MED12L: variants seen among roughly 807,000 people sequenced by gnomAD.
MED12L encodes the protein mediator of RNA polymerase II transcription subunit 12-like protein.
In MED12L, 60 loss-of-function variants were observed where a neutral mutation model predicts 281.3. The ratio of observed to expected loss-of-function variants is 0.21; its 90% CI spans 0.17 to 0.26. MED12L has a LOEUF of 0.26. Ranked by LOEUF, MED12L falls within the 10% of genes least tolerant of loss-of-function variation. MED12L has a pLI of 1.00. For synonymous variants in MED12L, 974 were observed against 987.2 expected (o/e 0.99, Z 0.25); for missense variants, 2,146 against 2,680.9 (o/e 0.80, Z 4.41).
rs1723766087 is a variant in MED12L, at chr3:151,190,051, G to A, written c.1754-666G>A. On this transcript the variant is annotated intron_variant, in intron 13 of 44. Transcript: ENST00000687756. ...CACAGACCCACTCAAGCTAGAAAAA[G>A]CAGTCATGAACTGTTTTATTAGTAA... Among the ~76,000 whole-genome samples, 4 of 152,212 alleles carry A rather than the reference G, an allele frequency of 2.6e-5. No homozygotes were observed. In the South Asian group the frequency reaches 8.3e-4, roughly 32 times the overall value.
chr3:151,328,459 C>T, intron 16 of MED12L: 1 of 1,613,834 alleles, frequency 6.2e-7, no homozygotes, highest in Non-Finnish European at 8.5e-7. Context: ...GCCCCAGAGG[C>T]CCCTTTAAGG....
rs762751794 is a variant in MED12L at position 151,388,079 on chromosome 3, C to T, written c.5358C>T (p.Ser1786=). The T allele has an allele frequency of 9.3e-6, 15 of 1,613,850 alleles. No individual in the cohort carries two copies. The highest frequency in any genetic ancestry group is 1.2e-5 in the Non-Finnish European group (14 of 1,179,958). The stretch of plus-strand genomic sequence containing the variant: ...TTTCTCAGGAACCAGAAAGGAAGTC[C>T]GCTGAGCTGTCAGATCAGGGAAAAA... The part of the protein sequence containing the change: ...SPVSQEPERK[S]AELSDQGKTT... Residue 1786 remains serine (S), a synonymous_variant, in exon 37 of 45, where the codon TCC becomes TCT. Coordinates refer to ENST00000687756, the MANE Select transcript of MED12L (RefSeq NM_001393769.1).
chr3:151,193,116 T>G (rs1213706066), intron 15 of MED12L, among the ~76,000 whole-genome samples: 1 of 152,218 alleles, frequency 6.6e-6, no homozygotes, highest in Admixed American at 6.5e-5. Flanking sequence ...GACCAAAACC[T>G]TTATGTCTAT....
rs1413361534 is a variant in MED12L at position 151,372,763 on chromosome 3, A to G, written c.3861A>G (p.Gln1287=). 6.2e-7 allele frequency: 1 copy of G among 1,611,530 alleles called. No homozygotes were observed. Among genetic ancestry groups the G allele is most frequent in the African/African-American group, 1.3e-5 (1 of 74,980 alleles). The change falls in exon 27 of 45, where the codon CAA becomes CAG. Residue 1287 remains glutamine, a synonymous_variant. Coordinates refer to ENST00000687756, the MANE Select transcript of MED12L (RefSeq NM_001393769.1). ...YARYVLRTIC[Q]QEWVGEHCLK... ...GATATGTACTGAGGACTATCTGTCA[A>G]CAGGTATTCTAATTTAATTTGCCTT...
At chr3:151,164,938 C>T (rs933947226) in intron 9 of MED12L, among the ~76,000 whole-genome samples, 19 of 151,612 alleles carry the variant, frequency 1.3e-4, no homozygotes, top group South Asian at 4.2e-4. Context: ...ACCAACATGG[C>T]GCATGTATAC....
intron 16 of MED12L, among the ~76,000 whole-genome samples, chr3:151,234,096 AC>A (rs1732258403): frequency 6.6e-6 from 1 of 152,116 alleles, no homozygotes; most frequent in South Asian, 2.1e-4. Context: ...GCCCTAGAAA[AC>A]TCCTGCAGAT....
chr3:151,106,308 TCTCCCCTCCCCTCCCCTCCC>T (rs1172007791), intron 2 of MED12L, among the ~76,000 whole-genome samples: 2 of 75,956 alleles, frequency 2.6e-5, no homozygotes, highest in Non-Finnish European at 5.0e-5. Flanking sequence ...TCCTTTTCCT[TCTCCCCTCCCCTCCCCTCCC>T]CTCCCCTCCC....
intron 5 of MED12L, among the ~76,000 whole-genome samples, chr3:151,145,236 C>G (rs1490265473): frequency 2.6e-5 from 4 of 152,152 alleles, no homozygotes; most frequent in Admixed American, 2.6e-4. Flanking sequence ...CACTCTTAAG[C>G]TAGTTAATGC....
At position 151,416,353 on chromosome 3, in the gene MED12L, G is replaced by A; in HGVS notation, c.6339G>A (p.Gln2113=). ...PQQPQPQQPP[Q]PQQSSQSQSQ... is the part of the protein sequence containing the mutation. ...AGCCCCAGCCCCAGCAGCCTCCCCA[G>A]CCCCAGCAGTCCTCGCAGTCCCAGA... Residue 2113 remains glutamine (Q), a synonymous_variant, in exon 43 of 45, where the codon CAG becomes CAA. Coordinates refer to ENST00000687756, the MANE Select transcript of MED12L (RefSeq NM_001393769.1). The A allele has an allele frequency of 7.7e-7, 1 of 1,306,738 alleles. No homozygotes were observed. Among genetic ancestry groups the A allele is most frequent in the South Asian group, 1.2e-5 (1 of 86,314 alleles). 80.9% of individuals were successfully genotyped at this position (1,306,738 alleles called of 1,614,324 possible).
At chr3:151,340,914 G>A (rs932778273) in intron 16 of MED12L, 7 of 152,192 alleles carry the variant, frequency 4.6e-5, no homozygotes, top group Non-Finnish European at 8.8e-5. Context: ...GAGGATGGCT[G>A]AGAAGTCATC....
intron 16 of MED12L, among the ~76,000 whole-genome samples, chr3:151,293,638 TACACACACAC>T (rs199892582): frequency 0.16 from 15,930 of 99,612 alleles, 1,327 homozygotes; most frequent in Non-Finnish European, 0.23. Context: ...ATGAAGCCCT[TACACACACAC>T]ACACACACAC....
chr3:151,142,830 T>A (rs76642328), intron 5 of MED12L, among the ~76,000 whole-genome samples: 5 of 151,896 alleles, frequency 3.3e-5, no homozygotes, highest in South Asian at 2.1e-4. Flanking sequence ...TTTTTTTTTT[T>A]AATTAAAAAG....
intron 16 of MED12L, chr3:151,329,697 T>C: frequency 2.1e-6 from 1 of 483,768 alleles, no homozygotes; most frequent in Non-Finnish European, 3.8e-6. Context: ...ACTGTTAATC[T>C]GTGACTTGAA....
intron 5 of MED12L, among the ~76,000 whole-genome samples, chr3:151,129,191 C>T (rs1259331494): frequency 1.3e-5 from 2 of 151,968 alleles, no homozygotes; most frequent in Non-Finnish European, 2.9e-5. Flanking sequence ...CAGGTGGTGC[C>T]CTGGATAAAT....
chr3:151,241,063 A>G (rs1733974179), intron 16 of MED12L, among the ~76,000 whole-genome samples: 2 of 152,074 alleles, frequency 1.3e-5, no homozygotes, highest in South Asian at 2.1e-4. Context: ...ACGGGGGACT[A>G]TACTCATGGG....
At chr3:151,133,388 C>T (rs1426130848) in intron 5 of MED12L, among the ~76,000 whole-genome samples, 2 of 152,128 alleles carry the variant, frequency 1.3e-5, no homozygotes, top group Non-Finnish European at 2.9e-5. Context: ...GGGGAGCTTG[C>T]AGTCAGCAAA....
Position 151,390,094 on chromosome 3 carries a change from A to G in MED12L, c.5567A>G (p.Gln1856Arg), listed in dbSNP as rs776058087. 18 of 1,614,138 alleles carry G rather than the reference A, an allele frequency of 1.1e-5. No individual in the cohort carries two copies. Among genetic ancestry groups the G allele is most frequent in the Non-Finnish European group, 1.5e-5 (18 of 1,179,976 alleles). The change falls in exon 38 of 45, where the codon CAG becomes CGG. Residue 1856 changes from glutamine to arginine, a missense_variant. Transcript: ENST00000687756. ...GGTTACAACCTCGTGGGCCAGCCCC[A>G]GCAGCCCGGCTTTTTCCTTCAGAAC... The part of the protein sequence containing the change: ...LWGYNLVGQP[Q>R]QPGFFLQNQS...
chr3:151,220,521 C>G (rs1729135391), intron 16 of MED12L, among the ~76,000 whole-genome samples: 1 of 152,116 alleles, frequency 6.6e-6, no homozygotes, highest in Non-Finnish European at 1.5e-5. Flanking sequence ...TCCCGTAATA[C>G]CCACATGTTG....
chr3:151,411,695 G>A (rs1223225462), intron 41 of MED12L, among the ~76,000 whole-genome samples, 188 bp downstream of exon 41: 1 of 152,122 alleles, frequency 6.6e-6, no homozygotes, highest in Non-Finnish European at 1.5e-5. Context: ...GCTCCATCTT[G>A]TTTATTTCAT....
Sources: allele counts gnomAD v4.1 joint callset (sites outside exome capture counted in the v4.1 genomes callset), GRCh38; gene constraint gnomAD v4.1.1; transcripts MANE v1.5; gene names NCBI Gene and HGNC (gene_info 2026-07-23, HGNC 2026-07-21).